ATAD1: variants seen among roughly 807,000 people sequenced by gnomAD.
The protein encoded by ATAD1 is ATPase family AAA domain containing 1, also known as outer mitochondrial transmembrane helix translocase.
Under a neutral mutation model 42.7 loss-of-function variants are expected in ATAD1, and 18 were observed. The ratio of observed to expected loss-of-function variants is 0.42; its 90% CI spans 0.29 to 0.63. ATAD1 has a LOEUF of 0.63. Ranked by LOEUF, ATAD1 falls within the 20% of genes least tolerant of loss-of-function variation. The pLI is 0.19. For missense variants in ATAD1, 294 were observed against 440.4 expected (o/e 0.67, Z 2.98); for synonymous variants, 132 against 143.1 (o/e 0.92, Z 0.55).
In ATAD1 at chr10:87,792,637, ATAAG is replaced by A; in HGVS notation, c.261+16_261+19del. ...ACCCCCACCTCTAAAAAAATCTTAA[ATAAG>A]ATTAAAGATACATACATGCATATTA... On this transcript the variant is annotated intron_variant, in intron 3 of 9. Coordinates refer to ENST00000680024, the MANE Select transcript of ATAD1 (RefSeq NM_001321967.2). 3 of 1,566,116 alleles carry A rather than the reference ATAAG, an allele frequency of 1.9e-6. No homozygotes were observed. The highest frequency in any genetic ancestry group is 2.6e-6 in the Non-Finnish European group (3 of 1,139,998).
At chr10:87,797,033 G>C (rs2065612953) in intron 2 of ATAD1, among the ~76,000 whole-genome samples, 1 of 152,122 alleles carries the variant, frequency 6.6e-6, no homozygotes. Flanking sequence ...CTTTTTTCCT[G>C]CTTCTAGGAT....
chr10:87,777,671 C>A (rs933947635), intron 5 of ATAD1, among the ~76,000 whole-genome samples: 8 of 151,488 alleles, frequency 5.3e-5, no homozygotes, highest in Non-Finnish European at 1.0e-4. Context: ...GTCTTATATC[C>A]CTATAAATCA....
At position 87,818,150 on chromosome 10, in the gene ATAD1, G is replaced by T. The variant is rs777408510; in HGVS notation, c.-14+17C>A. ...CGACAACCATCCCATGAGGCCCCACGGGAACCAGCTACTCACCCAGGGGCA... is the reference window on the plus strand; with the variant it reads ...CGACAACCATCCCATGAGGCCCCACTGGAACCAGCTACTCACCCAGGGGCA... On this transcript the variant is annotated intron_variant, in intron 1 of 9. Transcript: ENST00000680024. 8.4e-5 allele frequency: 83 copies of T among 985,494 alleles called. No homozygotes were observed. The highest frequency in any genetic ancestry group is 1.0e-4 in the Non-Finnish European group (83 of 830,080). 61.0% of individuals were successfully genotyped at this position (985,494 alleles called of 1,614,324 possible).
At chr10:87,824,035 G>C (rs7900225) in intron 1 of ATAD1, among the ~76,000 whole-genome samples, 35,130 of 151,952 alleles carry the variant, frequency 0.23, 4,805 homozygotes, top group African/African-American at 0.38. Flanking sequence ...ATTCACTTTG[G>C]TTAGCACTGG....
At chr10:87,805,085 C>T (rs996737902) in intron 2 of ATAD1, among the ~76,000 whole-genome samples, 31 of 152,302 alleles carry the variant, frequency 2.0e-4, no homozygotes, top group African/African-American at 7.5e-4. Flanking sequence ...ACCGTATTGC[C>T]TTTAAAATCA....
intron 1 of ATAD1, among the ~76,000 whole-genome samples, chr10:87,816,945 C>A (rs944175840): frequency 1.3e-5 from 2 of 152,080 alleles, no homozygotes; most frequent in Non-Finnish European, 1.5e-5. Context: ...ACTACATGAA[C>A]AAATTAGGGC....
chr10:87,819,106 T>C (rs1204964172), upstream of ATAD1: 3 of 152,024 alleles, frequency 2.0e-5, no homozygotes, highest in Non-Finnish European at 4.4e-5. Context: ...GCCTTTCTAC[T>C]TGAGGCATCA....
chr10:87,767,751 A>AT (rs778153663), intron 7 of ATAD1, 28 bp from the exon 8 acceptor site: 1 of 1,579,132 alleles, frequency 6.3e-7, no homozygotes. Flanking sequence ...TCCAGTTAGC[A>AT]TTTTTATTTT....
At chr10:87,833,727 C>CTTTTTTT (rs3033524) in intron 1 of ATAD1, among the ~76,000 whole-genome samples, 51 of 100,756 alleles carry the variant, frequency 5.1e-4, no homozygotes, top group Non-Finnish European at 5.8e-4. Context: ...TCTTTCTTTC[C>CTTTTTTT]TTTTTTTTTT....
intron 5 of ATAD1, among the ~76,000 whole-genome samples, chr10:87,783,739 A>G (rs1855680993): frequency 6.6e-6 from 1 of 151,988 alleles, no homozygotes; most frequent in Admixed American, 6.6e-5. Flanking sequence ...AAGTCATGAC[A>G]TACAGCAAAG....
chr10:87,819,278 A>AAAC (rs1202858276), upstream of ATAD1: 6 of 150,120 alleles, frequency 4.0e-5, no homozygotes, highest in African/African-American at 1.5e-4. Context: ...AAAAAAAAAA[A>AAAC]AAAAAAAAAA....
intron 8 of ATAD1, among the ~76,000 whole-genome samples, chr10:87,760,176 T>A (rs1854416337): frequency 6.6e-6 from 1 of 152,180 alleles, no homozygotes; most frequent in Non-Finnish European, 1.5e-5. Context: ...GGGCAAATGA[T>A]GAGACCCTGA....
intron 8 of ATAD1, among the ~76,000 whole-genome samples, chr10:87,760,290 T>TC (rs1406691740): frequency 6.6e-6 from 1 of 152,016 alleles, no homozygotes; most frequent in Admixed American, 6.6e-5. Context: ...GGGACAGACT[T>TC]CCCCCTTGTT....
At chr10:87,776,873 A>AG (rs1855328743) in intron 5 of ATAD1, among the ~76,000 whole-genome samples, 1 of 152,108 alleles carries the variant, frequency 6.6e-6, no homozygotes, top group South Asian at 2.1e-4. Context: ...TGATCACTAT[A>AG]TACTATAGTG....
chr10:87,812,455 G>T (rs896411733), intron 2 of ATAD1, among the ~76,000 whole-genome samples: 18 of 152,034 alleles, frequency 1.2e-4, no homozygotes, highest in Admixed American at 3.3e-4. Context: ...TAGAGATGGG[G>T]TTTCACCATG....
chr10:87,798,625 G>GGTGGGTGTGT (rs1554881742), intron 2 of ATAD1, among the ~76,000 whole-genome samples: 1 of 124,860 alleles, frequency 8.0e-6, no homozygotes, highest in African/African-American at 3.1e-5. Context: ...AGCTATAGGG[G>GGTGGGTGTGT]GTGTGTGTGT....
Position 87,839,922 on chromosome 10 carries a change from A to G in ATAD1, c.-14+1265T>C, listed in dbSNP as rs1262882341. Among the ~76,000 whole-genome samples the G allele has an allele frequency of 2.0e-5, 3 of 152,088 alleles. No homozygotes were observed. In the East Asian group the frequency reaches 5.8e-4, roughly 29 times the overall value. ...CTTCCTATTCCTGTTCCACCTTTCC[A>G]TATTGTCCTTCACTTCATGGCCAGG... On this transcript the variant is annotated intron_variant, in intron 1 of 4. Coordinates refer to the ATAD1 transcript ENST00000495903.
intron 8 of ATAD1, among the ~76,000 whole-genome samples, chr10:87,767,177 C>T (rs1419385125): frequency 6.6e-6 from 1 of 152,118 alleles, no homozygotes; most frequent in Non-Finnish European, 1.5e-5. Context: ...AGAAAAGTAT[C>T]TTTAACTCAC....
chr10:87,799,014 TAAGAA>T (rs769002168), intron 2 of ATAD1, among the ~76,000 whole-genome samples: 12 of 152,146 alleles, frequency 7.9e-5, no homozygotes, highest in Non-Finnish European at 1.8e-4. Context: ...CTAATTGGCT[TAAGAA>T]AATAAAAGTG....
Sources: allele counts gnomAD v4.1 joint callset (sites outside exome capture counted in the v4.1 genomes callset), GRCh38; gene constraint gnomAD v4.1.1; transcripts MANE v1.5; gene names NCBI Gene and HGNC (gene_info 2026-07-23, HGNC 2026-07-21).